Variants in MCPH1 observed in about 807,000 individuals in gnomAD.
MCPH1 encodes microcephalin 1.
Under a neutral mutation model 84.5 loss-of-function variants are expected in MCPH1, and 104 were observed. That is an observed-to-expected ratio of 1.23 (90% confidence interval 1.05 to 1.45). The LOEUF (loss-of-function observed/expected upper bound fraction) is 1.45. Among genes scored for constraint, MCPH1 ranks in the 40% most tolerant of loss-of-function variants. MCPH1 has a pLI of 0.00. For synonymous variants in MCPH1, 514 were observed against 366.8 expected, an observed-to-expected ratio of 1.40 and a Z score of -4.58; for missense variants, 1,498 against 1,005.7, an observed-to-expected ratio of 1.49 and a Z score of -6.62.
chr8:6,521,227 A>C (rs1474663482), intron 12 of MCPH1: 1 of 1,613,938 alleles, frequency 6.2e-7, no homozygotes, highest in Non-Finnish European at 8.5e-7. Flanking sequence ...TCTCCATGAG[A>C]TCATGTTGCT....
At chr8:6,425,978 G>A (rs556244917) in intron 3 of MCPH1, among the ~76,000 whole-genome samples, 36 of 152,178 alleles carry the variant, frequency 2.4e-4, no homozygotes, top group Admixed American at 1.2e-3. Context: ...GTGGTAAATC[G>A]GTGACATTTT....
intron 12 of MCPH1, chr8:6,521,076 A>T: frequency 1.3e-6 from 1 of 794,750 alleles, no homozygotes; most frequent in South Asian, 1.9e-5. Context: ...GAAATATATG[A>T]GAAATAGCGC....
chr8:6,538,176 T>G lies in MCPH1; in HGVS notation c.2214+38247T>G, dbSNP rs554128710. ...TCCATTTTTCTAGTAAACCCTTGAA[T>G]TTTTCTAGTAAATTCACAAATAATT... On this transcript the variant is annotated intron_variant, in intron 12 of 13. Transcript: ENST00000344683. 3.3e-5 allele frequency among the ~76,000 whole-genome samples: 5 copies of G among 151,750 alleles called. No homozygotes were observed. In the South Asian group the frequency reaches 1.0e-3, roughly 32 times the overall value.
intron 9 of MCPH1, among the ~76,000 whole-genome samples, chr8:6,471,913 G>T (rs1183728883): frequency 6.6e-6 from 1 of 152,194 alleles, no homozygotes; most frequent in Non-Finnish European, 1.5e-5. Context: ...GGTGACAAAA[G>T]ATTTTAAATG....
rs1797737124 is a variant in MCPH1 at position 6,406,678 on chromosome 8, C to G, written c.11C>G (p.Pro4Arg). ...ATCCCGCCGTCTGTCATGGCGGCCC[C>G]CATCCTGAAAGGTGAGGTACTTCCT... MAA[P>R]ILKDVVAYVE... The change falls in exon 1 of 14, where the codon CCC (proline) becomes CGC (arginine). Residue 4 changes from proline to arginine, a missense_variant. Physicochemically the swap from Pro to Arg is moderately radical, Grantham distance 103. Transcript: ENST00000344683. 1 of 1,612,226 alleles carries G rather than the reference C, an allele frequency of 6.2e-7. No individual in the cohort carries two copies. Among genetic ancestry groups the G allele is most frequent in the East Asian group, 2.2e-5 (1 of 44,822 alleles).
intron 3 of MCPH1, among the ~76,000 whole-genome samples, chr8:6,418,862 G>A (rs1434634060): frequency 6.6e-6 from 1 of 152,190 alleles, no homozygotes; most frequent in Non-Finnish European, 1.5e-5. Flanking sequence ...TTGTAGGCGT[G>A]AGCCACAGCG....
chr8:6,586,251 A>G (rs568961884), intron 12 of MCPH1, among the ~76,000 whole-genome samples: 1 of 152,290 alleles, frequency 6.6e-6, no homozygotes, highest in African/African-American at 2.4e-5. Context: ...GTGAGCCACC[A>G]TGCCCAGCTC....
Position 6,445,116 on chromosome 8 carries a change from G to C in MCPH1, c.1394G>C (p.Gly465Ala). Reference sequence around the variant, plus strand: ...GAAATGTCTGATTTTTCCTGCGTTGGCAAAAAAACCAGAACAGTTGACATT... The same window carrying C: ...GAAATGTCTGATTTTTCCTGCGTTGCCAAAAAAACCAGAACAGTTGACATT... ...IFEMSDFSCV[G>A]KKTRTVDITN... The change falls in exon 8 of 14, where the codon GGC becomes GCC. Residue 465 changes from glycine to alanine, a missense_variant. By Grantham distance (60) the Gly-to-Ala change is moderately conservative. Coordinates refer to ENST00000344683, the MANE Select transcript of MCPH1 (RefSeq NM_024596.5). 1 of 1,614,138 alleles carries C rather than the reference G, an allele frequency of 6.2e-7. No individual in the cohort carries two copies. The highest frequency in any genetic ancestry group is 8.5e-7 in the Non-Finnish European group (1 of 1,180,016).
chr8:6,625,112 T>G, intron 13 of MCPH1: 1 of 848,720 alleles, frequency 1.2e-6, no homozygotes, highest in Non-Finnish European at 1.4e-6. Context: ...CAACCTCAAG[T>G]GATCCTCCTG....
At chr8:6,543,872 G>A (rs1325037276) in intron 12 of MCPH1, among the ~76,000 whole-genome samples, 1 of 152,140 alleles carries the variant, frequency 6.6e-6, no homozygotes, top group Non-Finnish European at 1.5e-5. Context: ...ATCTGCCTGG[G>A]CTTTGCAGAA....
At chr8:6,587,448 T>C (rs907431766) in intron 12 of MCPH1, among the ~76,000 whole-genome samples, 2 of 152,198 alleles carry the variant, frequency 1.3e-5, no homozygotes, top group African/African-American at 4.8e-5. Context: ...TGGATGGCTT[T>C]TGGCAATTGT....
At chr8:6,419,939 G>C (rs959184630) in intron 3 of MCPH1, among the ~76,000 whole-genome samples, 1 of 152,026 alleles carries the variant, frequency 6.6e-6, no homozygotes, top group Admixed American at 6.6e-5. Context: ...TTTTAAAATG[G>C]ATGTAGTCTA....
chr8:6,609,824 C>CCCCA (rs1830108155), intron 12 of MCPH1, among the ~76,000 whole-genome samples: 1 of 127,772 alleles, frequency 7.8e-6, no homozygotes, highest in Admixed American at 7.2e-5. Flanking sequence ...CCCCCGCCCC[C>CCCCA]CCCCCACACA....
chr8:6,637,055 T>A (rs1383988718), intron 13 of MCPH1, among the ~76,000 whole-genome samples: 1 of 152,220 alleles, frequency 6.6e-6, no homozygotes, highest in Non-Finnish European at 1.5e-5. Context: ...GCTGTATTAT[T>A]AGACTGGGCT....
chr8:6,496,534 C>T (rs570752236), intron 11 of MCPH1, among the ~76,000 whole-genome samples: 100 of 149,256 alleles, frequency 6.7e-4, no homozygotes, highest in Non-Finnish European at 1.3e-3. Flanking sequence ...CGCCCCCCTT[C>T]CCCCGCCTTT....
intron 12 of MCPH1, among the ~76,000 whole-genome samples, chr8:6,605,634 C>G (rs1037667978): frequency 1.3e-5 from 2 of 152,186 alleles, no homozygotes; most frequent in African/African-American, 4.8e-5. Context: ...TCTGGGCCTT[C>G]CCCAGAAGGA....
intron 12 of MCPH1, among the ~76,000 whole-genome samples, chr8:6,606,167 G>C (rs1829758449): frequency 6.6e-6 from 1 of 152,330 alleles, no homozygotes; most frequent in Admixed American, 6.5e-5. Context: ...AGATTCTGGA[G>C]AGTACTTTGT....
intron 13 of MCPH1, among the ~76,000 whole-genome samples, chr8:6,629,605 C>G (rs921756468): frequency 6.6e-6 from 1 of 152,210 alleles, no homozygotes; most frequent in African/African-American, 2.4e-5. Context: ...AAACTAACCC[C>G]TGTGACACCT....
intron 8 of MCPH1, among the ~76,000 whole-genome samples, chr8:6,453,841 G>A (rs887308303): frequency 2.6e-5 from 4 of 152,206 alleles, no homozygotes; most frequent in Non-Finnish European, 5.9e-5. Flanking sequence ...CAGTCAGGAT[G>A]TGACTGGTTT....
Sources: gnomAD v4.1 joint callset for allele counts (sites outside exome capture counted in the v4.1 genomes callset) on GRCh38, gnomAD v4.1.1 for gene constraint, MANE v1.5 for transcripts, NCBI Gene and HGNC (gene_info 2026-07-23, HGNC 2026-07-21) for gene names.